DAPK1: variants seen among roughly 807,000 people sequenced by gnomAD.
DAPK1 encodes the protein death-associated protein kinase 1.
A neutral mutation model predicts 144.9 loss-of-function variants in DAPK1; 56 were observed. The observed-to-expected ratio is 0.39, with a 90% CI of 0.31 to 0.48. The LOEUF is 0.48. Ranked by LOEUF, DAPK1 falls within the 20% of genes least tolerant of loss-of-function variation. The pLI, the probability that DAPK1 is intolerant of heterozygous loss-of-function variation, is 0.95. For synonymous variants in DAPK1, 690 were observed against 749.0 expected (o/e 0.92, Z 1.29); for missense variants, 1,454 against 1,875.4 (o/e 0.78, Z 4.15).
chr9:87,632,628 A>T, intron 3 of DAPK1: 20 of 982,570 alleles, frequency 2.0e-5, no homozygotes, highest in Non-Finnish European at 2.4e-5. Context: ...TGATCAGTAT[A>T]TATGTAGGGA....
chr9:87,572,090 C>G (rs1258325490), intron 2 of DAPK1, among the ~76,000 whole-genome samples: 2 of 152,232 alleles, frequency 1.3e-5, no homozygotes, highest in African/African-American at 2.4e-5. Context: ...ATTGGCAACT[C>G]CCATCCCTCA....
intron 2 of DAPK1, among the ~76,000 whole-genome samples, chr9:87,600,946 G>A (rs997823527): frequency 3.9e-5 from 6 of 152,140 alleles, no homozygotes; most frequent in Admixed American, 2.6e-4. Context: ...CCTTGAAGCT[G>A]GATCATGGTA....
At chr9:87,533,664 T>TTTGCC (rs1825769488) in intron 2 of DAPK1, among the ~76,000 whole-genome samples, 1 of 151,650 alleles carries the variant, frequency 6.6e-6, no homozygotes, top group Non-Finnish European at 1.5e-5. Context: ...CTTTTCCTGC[T>TTTGCC]CTGCCCTGCC....
At chr9:87,613,357 C>G (rs1828993325) in intron 3 of DAPK1, among the ~76,000 whole-genome samples, 1 of 152,154 alleles carries the variant, frequency 6.6e-6, no homozygotes, top group African/African-American at 2.4e-5. Context: ...TTGAACAACT[C>G]CTTTTTAGCT....
In DAPK1 at chr9:87,592,236, G is replaced by A. The variant is rs888332; in HGVS notation, c.63-12718G>A. On this transcript the variant is annotated intron_variant, in intron 2 of 25. Coordinates refer to ENST00000408954, the MANE Select transcript of DAPK1 (RefSeq NM_004938.4). ...CCCCCAGCCCACTGCAGATGATGAG[G>A]AGGAAACCCAGCAAGAGGAAGGGCT... Among the ~76,000 whole-genome samples, 1,479 of 152,302 alleles carry A rather than the reference G, an allele frequency of 9.7e-3. 34 individuals carry two copies. The highest frequency in any genetic ancestry group is 0.034 in the African/African-American group (1,420 of 41,566).
intron 2 of DAPK1, among the ~76,000 whole-genome samples, chr9:87,575,500 G>A (rs1424287342): frequency 6.6e-6 from 1 of 152,078 alleles, no homozygotes; most frequent in East Asian, 1.9e-4. Flanking sequence ...AGGAGCGTGT[G>A]GTTTCTGAGA....
Position 87,632,093 on chromosome 9 carries a change from A to AATATATAT in DAPK1, c.285-5841_285-5834dup, listed in dbSNP as rs373422206. The stretch of plus-strand genomic sequence containing the variant: ...GAAAGTTAATTAGTATATATGTAGA[A>AATATATAT]ATATATATATATATATGTATGTGTG... On this transcript the variant is annotated intron_variant, in intron 3 of 25. Transcript: ENST00000408954. 5 of 591,296 alleles carry AATATATAT rather than the reference A, an allele frequency of 8.5e-6. No individual in the cohort carries two copies. The African/African-American group carries it at 1.0e-4, about 12-fold the overall frequency. The allele number at this position is 591,296 out of a possible 1,614,324, so 36.6% of individuals were successfully genotyped here.
Position 87,651,530 on chromosome 9 carries a change from G to C in DAPK1, c.1630G>C (p.Gly544Arg). ...GATCTCTGGGGTTTGTTTCCAGGAC[G>C]GACACATTGCCCTTCATCTGGCTGT... The part of the protein sequence containing the change: ...GADLNACDKD[G>R]HIALHLAVRR... Residue 544 changes from glycine (G) to arginine (R), a missense_variant, in exon 17 of 26, where the codon GGA becomes CGA. Coordinates refer to ENST00000408954, the MANE Select transcript of DAPK1 (RefSeq NM_004938.4). The C allele has an allele frequency of 6.2e-7, 1 of 1,614,108 alleles. No homozygotes were observed.
At chr9:87,612,104 A>T (rs1828951149) in intron 3 of DAPK1, among the ~76,000 whole-genome samples, 1 of 152,138 alleles carries the variant, frequency 6.6e-6, no homozygotes, top group Non-Finnish European at 1.5e-5. Context: ...CCCTTTTTTA[A>T]AGGTACTAAA....
intron 18 of DAPK1, among the ~76,000 whole-genome samples, chr9:87,660,182 G>T (rs545291602): frequency 9.2e-5 from 14 of 152,272 alleles, no homozygotes; most frequent in Admixed American, 3.9e-4. Context: ...TGGAGCTGGC[G>T]TGGAGGCCCA....
intron 2 of DAPK1, among the ~76,000 whole-genome samples, chr9:87,530,419 G>A (rs11998833): frequency 0.034 from 5,145 of 152,236 alleles, 290 homozygotes; most frequent in African/African-American, 0.11. Context: ...GTTTTGTAAG[G>A]GGAATTTATA....
At chr9:87,561,382 C>G (rs1826914991) in intron 2 of DAPK1, among the ~76,000 whole-genome samples, 1 of 152,080 alleles carries the variant, frequency 6.6e-6, no homozygotes, top group Admixed American at 6.5e-5. Context: ...AAAAATTAGC[C>G]GGGCGTTGTG....
At chr9:87,574,674 T>TTTTGG (rs1327238816) in intron 2 of DAPK1, among the ~76,000 whole-genome samples, 3 of 152,054 alleles carry the variant, frequency 2.0e-5, no homozygotes, top group Non-Finnish European at 4.4e-5. Context: ...AATCCCAGCA[T>TTTTGG]TTTGGGAGGC....
In DAPK1 at chr9:87,686,665, C is replaced by G; in HGVS notation, c.2339C>G (p.Pro780Arg). Reference protein sequence around the residue: ...TKGMLEVFVAPTHHPHCSADD... With the variant: ...TKGMLEVFVARTHHPHCSADD... ...GGGATGCTGGAGGTGTTTGTGGCCC[C>G]GACCCACCACCCGCACTGCTCGGCC... Residue 780 changes from proline (P) to arginine (R), a missense_variant, in exon 21 of 26, where the codon CCG becomes CGG. By Grantham distance (103) the Pro-to-Arg change is moderately radical (BLOSUM62 -2). This residue lies in a region of DAPK1 where 1,025 missense variants were observed against 1,237.9 expected (regional missense o/e 0.83). Coordinates refer to ENST00000408954, the MANE Select transcript of DAPK1 (RefSeq NM_004938.4). This position sits in a 1 kb window ranked among gnomAD's most constrained non-coding sequence, Gnocchi z 4.2. 6.2e-7 allele frequency: 1 copy of G among 1,612,696 alleles called. No homozygotes were observed. Among genetic ancestry groups the G allele is most frequent in the Non-Finnish European group, 8.5e-7 (1 of 1,178,856 alleles).
At chr9:87,571,507 A>ACACACACACACACACT (rs1827355658) in intron 2 of DAPK1, among the ~76,000 whole-genome samples, 1 of 143,724 alleles carries the variant, frequency 7.0e-6, no homozygotes, top group Non-Finnish European at 1.5e-5. Flanking sequence ...CAACACACAC[A>ACACACACACACACACT]CACACACACA....
intron 3 of DAPK1, among the ~76,000 whole-genome samples, chr9:87,607,594 C>T (rs10735591): frequency 0.42 from 63,927 of 151,790 alleles, 14,039 homozygotes; most frequent in East Asian, 0.63. Context: ...TTTTTTTTAC[C>T]ATTTGATTAT....
intron 2 of DAPK1, among the ~76,000 whole-genome samples, chr9:87,569,677 G>A (rs1205756380): frequency 2.0e-5 from 3 of 151,994 alleles, no homozygotes; most frequent in Non-Finnish European, 2.9e-5. Flanking sequence ...CAATGCGGGT[G>A]CATCCGGGTG....
intron 2 of DAPK1, among the ~76,000 whole-genome samples, chr9:87,593,202 A>G (rs1385189127): frequency 6.6e-6 from 1 of 152,210 alleles, no homozygotes; most frequent in Non-Finnish European, 1.5e-5. Flanking sequence ...ACCCAACTGC[A>G]CTAAATGCCA....
chr9:87,659,667 C>A (rs1433969253), intron 18 of DAPK1, among the ~76,000 whole-genome samples: 1 of 152,172 alleles, frequency 6.6e-6, no homozygotes, highest in Admixed American at 6.5e-5. Context: ...CCGCCTGGCT[C>A]CTCCTCAGGT....
Sources: allele counts gnomAD v4.1 joint callset (sites outside exome capture counted in the v4.1 genomes callset), GRCh38; gene constraint gnomAD v4.1.1; regional missense constraint gnomAD v4.1.1; non-coding constraint Gnocchi (gnomAD v3.1); transcripts MANE v1.5; gene names NCBI Gene and HGNC (gene_info 2026-07-23, HGNC 2026-07-21).